The following DUT variants were observed in gnomAD, a reference collection of about 807,000 sequenced individuals.
DUT encodes deoxyuridine 5'-triphosphate nucleotidohydrolase, mitochondrial.
In DUT, 21 loss-of-function variants were observed where a neutral mutation model predicts 28.8. The ratio of observed to expected loss-of-function variants is 0.73; its 90% confidence interval spans 0.52 to 1.05. The LOEUF (loss-of-function observed/expected upper bound fraction) is 1.05, where lower values mean the gene tolerates loss of function less well. Ranked by LOEUF, DUT falls within the 50% of genes least tolerant of loss-of-function variation. The pLI, the probability that DUT is intolerant of heterozygous loss-of-function variation, is 0.00. For missense variants in DUT, 344 were observed against 351.8 expected (o/e 0.98, Z 0.18); for synonymous variants, 147 against 143.7 (o/e 1.02, Z -0.17).
chr15:48,334,995 A>T (rs1288139346), intron 3 of DUT, among the ~76,000 whole-genome samples: 1 of 152,184 alleles, frequency 6.6e-6, no homozygotes, highest in Non-Finnish European at 1.5e-5. Context: ...GTTCTTTTTG[A>T]CTAACTTCAG....
intron 4 of DUT, among the ~76,000 whole-genome samples, chr15:48,336,643 T>C (rs1489226414): frequency 6.6e-6 from 1 of 152,220 alleles, no homozygotes; most frequent in African/African-American, 2.4e-5. Context: ...AGGAAATTTC[T>C]ACTTTCCTGA....
intron 4 of DUT, among the ~76,000 whole-genome samples, chr15:48,340,654 C>T (rs931561474): frequency 1.3e-5 from 2 of 152,022 alleles, no homozygotes; most frequent in African/African-American, 4.8e-5. Flanking sequence ...GTATTAATTA[C>T]ACAAAAAAAG....
rs1360146252 is a variant in DUT, at chr15:48,341,368, G to C, written c.631+5G>C. The C allele has an allele frequency of 6.3e-7, 1 of 1,595,898 alleles. No homozygotes were observed. The highest frequency in any genetic ancestry group is 8.6e-7 in the Non-Finnish European group (1 of 1,164,154). On this transcript the variant is annotated splice_donor_5th_base_variant and intron_variant, in intron 5 of 6. Coordinates refer to ENST00000331200, the MANE Select transcript of DUT (RefSeq NM_001025248.2). ...TTGGCAAAGAAAAGTTTGAAGGTAT[G>C]TTAAATATATACATTCACATAATTT...
intron 4 of DUT, among the ~76,000 whole-genome samples, chr15:48,339,764 C>T (rs1052597674): frequency 1.3e-5 from 2 of 152,108 alleles, no homozygotes; most frequent in Admixed American, 6.6e-5. Flanking sequence ...TCACTCTTCT[C>T]GTAAAAGTGT....
intron 3 of DUT, 71 bp downstream of exon 3, chr15:48,334,579 G>A: frequency 2.5e-6 from 3 of 1,179,576 alleles, no homozygotes; most frequent in Non-Finnish European, 3.7e-6. Flanking sequence ...TGTTTCATTT[G>A]GGGTAATAAG....
At chr15:48,339,925 G>A (rs2042514984) in intron 4 of DUT, among the ~76,000 whole-genome samples, 1 of 152,114 alleles carries the variant, frequency 6.6e-6, no homozygotes, top group Non-Finnish European at 1.5e-5. Context: ...TCCCCGTGGT[G>A]GACCTAAGGG....
In DUT at chr15:48,332,279, A is replaced by C. The variant is rs753600497; in HGVS notation, c.292A>C (p.Ile98Leu). The change falls in exon 2 of 7, where the codon ATT becomes CTT. Residue 98 changes from isoleucine to leucine, a missense_variant. Transcript: ENST00000331200. ...SPAPGPETPA[I>L]SPSKRARPAE... ...GCCCTGCTCTGAAGAGACACCCGCCATTTCACCCAGTAAGCGGGCCCGGCC... is the reference window on the plus strand; with the variant it reads ...GCCCTGCTCTGAAGAGACACCCGCCCTTTCACCCAGTAAGCGGGCCCGGCC... 2 of 1,608,616 alleles carry C rather than the reference A, an allele frequency of 1.2e-6. No homozygotes were observed. Among genetic ancestry groups the C allele is most frequent in the African/African-American group, 2.7e-5 (2 of 74,170 alleles).
chr15:48,332,527 T>C (rs2042429894), intron 2 of DUT, 121 bp downstream of exon 2: 1 of 971,860 alleles, frequency 1.0e-6, no homozygotes, highest in Non-Finnish European at 1.5e-6. Flanking sequence ...TCTGCCTTTT[T>C]CGTGTTTAAA....
intron 4 of DUT, among the ~76,000 whole-genome samples, chr15:48,338,967 T>G (rs1341231284): frequency 2.0e-5 from 3 of 152,110 alleles, no homozygotes; most frequent in Admixed American, 1.3e-4. Context: ...GGATACTTTC[T>G]CTCTACAAGA....
chr15:48,339,947 C>T (rs2042515286), intron 4 of DUT, among the ~76,000 whole-genome samples: 1 of 151,894 alleles, frequency 6.6e-6, no homozygotes, highest in South Asian at 2.1e-4. Flanking sequence ...TTGCTTTTTT[C>T]CCCCCATTAT....
chr15:48,335,863 C>G (rs2042469572), intron 3 of DUT, among the ~76,000 whole-genome samples, 183 bp from the exon 4 acceptor site: 7 of 152,180 alleles, frequency 4.6e-5, no homozygotes, highest in Admixed American at 4.6e-4. Flanking sequence ...CTAAACTAGT[C>G]TTTCCAACTT....
chr15:48,331,311 A>T, upstream of DUT: 1 of 1,442,720 alleles, frequency 6.9e-7, no homozygotes, highest in Non-Finnish European at 9.1e-7. Context: ...AGCAAGACTC[A>T]AGACGCCAAC....
chr15:48,337,857 T>C (rs183285898), intron 4 of DUT, among the ~76,000 whole-genome samples: 1 of 152,316 alleles, frequency 6.6e-6, no homozygotes, highest in Non-Finnish European at 1.5e-5. Context: ...AGGCTCTAAA[T>C]AAGGGTCAAA....
intron 6 of DUT, 139 bp downstream of exon 6, chr15:48,341,724 A>G (rs1306606021): frequency 1.4e-6 from 1 of 726,348 alleles, no homozygotes; most frequent in African/African-American, 1.8e-5. Flanking sequence ...AATTTAAAAT[A>G]CTAGTTTTAG....
chr15:48,333,989 G>A (rs2042447273), intron 2 of DUT, among the ~76,000 whole-genome samples: 1 of 152,192 alleles, frequency 6.6e-6, no homozygotes, highest in Admixed American at 6.5e-5. Flanking sequence ...AGTATTATTA[G>A]TAGTATTTGG....
At chr15:48,333,996 T>A (rs2141159390) in intron 2 of DUT, among the ~76,000 whole-genome samples, 1 of 152,328 alleles carries the variant, frequency 6.6e-6, no homozygotes, top group Admixed American at 6.5e-5. Context: ...TTAGTAGTAT[T>A]TGGCCTTTTT....
chr15:48,333,361 T>C (rs1417773524), intron 2 of DUT, among the ~76,000 whole-genome samples: 1 of 152,174 alleles, frequency 6.6e-6, no homozygotes, highest in Non-Finnish European at 1.5e-5. Flanking sequence ...TAGAGTGATA[T>C]AGTTTGACTA....
In DUT at chr15:48,341,271, T is replaced by A; in HGVS notation, c.557-18T>A. 1 of 1,523,206 alleles carries A rather than the reference T, an allele frequency of 6.6e-7. No homozygotes were observed. The highest frequency in any genetic ancestry group is 1.4e-5 in the African/African-American group (1 of 71,954). The allele number at this position is 1,523,206 out of a possible 1,614,324, so 94.4% of individuals were successfully genotyped here. A position where few individuals can be genotyped will look rare whatever the true frequency, so the allele number is the denominator to read the frequency against. On this transcript the variant is annotated intron_variant, in intron 4 of 6. Transcript: ENST00000331200. ...CCAATAGCAAAAATTGAGATAATAT[T>A]ACTTTTCTTTTCTCTAGCTGGTGTC...
intron 6 of DUT, 184 bp downstream of exon 6, chr15:48,341,769 T>C: frequency 1.6e-6 from 1 of 609,604 alleles, no homozygotes; most frequent in Admixed American, 3.4e-5. Context: ...AGCTATTATG[T>C]AGTATTACTT....
Sources: allele counts gnomAD v4.1 joint callset (sites outside exome capture counted in the v4.1 genomes callset), GRCh38; gene constraint gnomAD v4.1.1; transcripts MANE v1.5; gene names NCBI Gene and HGNC (gene_info 2026-07-23, HGNC 2026-07-21).